Variants in SPIDR observed in about 807,000 individuals in gnomAD.
SPIDR encodes DNA repair-scaffolding protein.
SPIDR carries 93 observed loss-of-function variants against 104.6 expected under a neutral mutation model. That is an observed-to-expected ratio of 0.89 (90% CI 0.75 to 1.06). The LOEUF (loss-of-function observed/expected upper bound fraction) is 1.06, where lower values mean the gene tolerates loss of function less well. Ranked by LOEUF, SPIDR falls within the 50% of genes least tolerant of loss-of-function variation. The pLI is 0.00. For missense variants in SPIDR, 1,154 were observed against 1,111.2 expected, an observed-to-expected ratio of 1.04 and a Z score of -0.55; for synonymous variants, 431 against 416.9, an observed-to-expected ratio of 1.03 and a Z score of -0.41.
intron 5 of SPIDR, among the ~76,000 whole-genome samples, chr8:47,320,805 A>G (rs2046402483): frequency 6.6e-6 from 1 of 152,244 alleles, no homozygotes; most frequent in African/African-American, 2.4e-5. Flanking sequence ...ATGCAAATCA[A>G]TAAACATAAT....
intron 10 of SPIDR, among the ~76,000 whole-genome samples, chr8:47,663,508 G>T (rs1007978342): frequency 3.9e-5 from 6 of 152,218 alleles, no homozygotes; most frequent in Non-Finnish European, 8.8e-5. Context: ...CTATTTTGGA[G>T]CACAATGACA....
At chr8:47,454,759 G>A (rs545752866) in intron 8 of SPIDR, among the ~76,000 whole-genome samples, 1 of 152,184 alleles carries the variant, frequency 6.6e-6, no homozygotes, top group East Asian at 1.9e-4. Context: ...TCAATGACTT[G>A]GGAGACTGAG....
intron 8 of SPIDR, among the ~76,000 whole-genome samples, chr8:47,555,126 C>G (rs2091164694): frequency 6.6e-6 from 1 of 152,112 alleles, no homozygotes; most frequent in African/African-American, 2.4e-5. Flanking sequence ...TTTTGCTAGC[C>G]TTCCTCCCAC....
At chr8:47,596,155 C>A in intron 9 of SPIDR, 149 bp downstream of exon 9, 1 of 645,628 alleles carries the variant, frequency 1.5e-6, no homozygotes, top group Non-Finnish European at 2.6e-6. Flanking sequence ...CTTACTGTTA[C>A]GCCTGAATAT....
At chr8:47,374,250 G>T (rs1428694490) in intron 5 of SPIDR, among the ~76,000 whole-genome samples, 1 of 152,164 alleles carries the variant, frequency 6.6e-6, no homozygotes, top group African/African-American at 2.4e-5. Flanking sequence ...GGCCAGGCAT[G>T]GTGGCTCATG....
chr8:47,419,895 GCAGGTTGTT>G lies in SPIDR; in HGVS notation c.877+11938_877+11946del, dbSNP rs543138647. Among the ~76,000 whole-genome samples, 59 of 152,250 alleles carry G rather than the reference GCAGGTTGTT, an allele frequency of 3.9e-4. 2 individuals are homozygous for G. In the South Asian group the frequency reaches 0.012, roughly 32 times the overall value. On this transcript the variant is annotated intron_variant, in intron 7 of 19. Transcript: ENST00000297423. ...TTATGTACCCAGTAGTCATTCAGGA[GCAGGTTGTT>G]CAGTTTCCATGTAGTTGAGCAGTTT... is the stretch of plus-strand genomic sequence containing the variant.
chr8:47,389,053 G>GA (rs1303268691), intron 5 of SPIDR, among the ~76,000 whole-genome samples: 2 of 151,936 alleles, frequency 1.3e-5, no homozygotes, highest in African/African-American at 4.8e-5. Context: ...CATCAAGGAG[G>GA]AAAAAAAGTC....
rs544311439 is a variant in SPIDR, at chr8:47,539,761, A to C, written c.1098-56050A>C. ...ACTTTTCTTCTTAAAAAAAAAAAAA[A>C]CCCTTTTCCCAAGGGATGCTATCAG... On this transcript the variant is annotated intron_variant, in intron 8 of 19. Transcript: ENST00000297423. 3.3e-5 allele frequency among the ~76,000 whole-genome samples: 5 copies of C among 151,100 alleles called. No homozygotes were observed. The South Asian group carries it at 1.0e-3, about 32-fold the overall frequency.
chr8:47,664,743 CAAAAAAAAAAA>C (rs771963348), intron 10 of SPIDR, among the ~76,000 whole-genome samples: 4 of 63,528 alleles, frequency 6.3e-5, no homozygotes, highest in East Asian at 4.2e-4. Context: ...CCCATCTCTA[CAAAAAAAAAAA>C]AAAAAAAAAA....
intron 11 of SPIDR, among the ~76,000 whole-genome samples, chr8:47,690,174 A>G (rs2078434498): frequency 1.3e-5 from 2 of 152,098 alleles, no homozygotes; most frequent in Admixed American, 1.3e-4. Flanking sequence ...TTTTGGAATA[A>G]TAAGTACCAC....
chr8:47,422,046 C>T (rs917306994), intron 7 of SPIDR, among the ~76,000 whole-genome samples: 4 of 152,226 alleles, frequency 2.6e-5, no homozygotes, highest in African/African-American at 9.6e-5. Flanking sequence ...AGTTGGGCTA[C>T]TCGGAGGTCA....
intron 10 of SPIDR, among the ~76,000 whole-genome samples, chr8:47,604,338 G>C (rs1354801082): frequency 2.0e-5 from 3 of 152,242 alleles, no homozygotes; most frequent in Non-Finnish European, 2.9e-5. Context: ...GCCAGCAAGA[G>C]ATCCCAGGCA....
chr8:47,515,699 C>T (rs1049790772), intron 8 of SPIDR, among the ~76,000 whole-genome samples: 5 of 152,160 alleles, frequency 3.3e-5, no homozygotes, highest in Admixed American at 6.5e-5. Flanking sequence ...ATCTCATAAG[C>T]GTATAGATAT....
chr8:47,390,198 C>G (rs2060413572), intron 5 of SPIDR, among the ~76,000 whole-genome samples: 1 of 152,158 alleles, frequency 6.6e-6, no homozygotes, highest in African/African-American at 2.4e-5. Context: ...AGGGTCTCTA[C>G]AGAGCCATCT....
intron 5 of SPIDR, among the ~76,000 whole-genome samples, chr8:47,314,414 C>T (rs587620365): frequency 5.3e-5 from 8 of 152,080 alleles, no homozygotes; most frequent in African/African-American, 1.4e-4. Flanking sequence ...AAGACATACT[C>T]GAAACTGGGT....
chr8:47,323,107 GAAA>G (rs79721470), intron 5 of SPIDR, among the ~76,000 whole-genome samples: 3,281 of 142,198 alleles, frequency 0.023, 49 homozygotes, highest in Middle Eastern at 0.059. Flanking sequence ...AAGAAGAAGA[GAAA>G]AAAAAAAGAA....
At chr8:47,271,662 A>C (rs1433399270) in intron 1 of SPIDR, among the ~76,000 whole-genome samples, 5 of 151,980 alleles carry the variant, frequency 3.3e-5, no homozygotes, top group Admixed American at 6.6e-5. Flanking sequence ...TATTTCTTTG[A>C]ATATATTTAT....
chr8:47,412,235 T>C (rs2063635280), intron 7 of SPIDR, among the ~76,000 whole-genome samples: 1 of 152,200 alleles, frequency 6.6e-6, no homozygotes, highest in South Asian at 2.1e-4. Flanking sequence ...AATCTATAAA[T>C]TACCTTGGAC....
intron 8 of SPIDR, among the ~76,000 whole-genome samples, chr8:47,516,001 G>C (rs1216674826): frequency 6.6e-6 from 1 of 152,222 alleles, no homozygotes; most frequent in Non-Finnish European, 1.5e-5. Context: ...AGTAGATACA[G>C]GGTTTCACCG....
Sources: allele counts gnomAD v4.1 joint callset (sites outside exome capture counted in the v4.1 genomes callset), GRCh38; gene constraint gnomAD v4.1.1; transcripts MANE v1.5; gene names NCBI Gene and HGNC (gene_info 2026-07-23, HGNC 2026-07-21).